The following MCTP1 variants were observed in gnomAD, a reference collection of about 807,000 sequenced individuals.
MCTP1 encodes multiple C2 and transmembrane domain containing 1, also known as multiple C2 and transmembrane domain-containing protein 1.
In MCTP1, 69 loss-of-function variants were observed where a neutral mutation model predicts 120.6. That is an observed-to-expected ratio of 0.57 (90% CI 0.47 to 0.70). The LOEUF is 0.70. Among genes scored for constraint, MCTP1 ranks in the 30% least tolerant of loss-of-function variants. The probability of loss-of-function intolerance (pLI) is 0.00; values close to 1 mark genes in which losing one functional copy is unlikely to be tolerated. For synonymous variants in MCTP1, 529 were observed against 493.1 expected, an observed-to-expected ratio of 1.07 and a Z score of -0.96; for missense variants, 1,203 against 1,248.8, an observed-to-expected ratio of 0.96 and a Z score of 0.55.
intron 1 of MCTP1, among the ~76,000 whole-genome samples, chr5:95,281,601 T>A (rs991962057): frequency 6.6e-6 from 1 of 152,238 alleles, no homozygotes; most frequent in African/African-American, 2.4e-5. Context: ...TTTACCATTC[T>A]GTCTGCCTAT....
intron 1 of MCTP1, among the ~76,000 whole-genome samples, chr5:95,082,831 C>A (rs1755096509): frequency 6.6e-6 from 1 of 152,018 alleles, no homozygotes; most frequent in African/African-American, 2.4e-5. Flanking sequence ...ATAGCATAGG[C>A]CTAGGGTTCA....
chr5:95,147,093 A>T (rs564917100), intron 1 of MCTP1, among the ~76,000 whole-genome samples: 81 of 151,612 alleles, frequency 5.3e-4, no homozygotes, highest in East Asian at 9.7e-4. Context: ...TTATTTATTT[A>T]TTTATTTTTT....
At chr5:94,826,512 C>T in intron 17 of MCTP1, 2 of 705,510 alleles carry the variant, frequency 2.8e-6, no homozygotes, top group East Asian at 2.8e-5. Context: ...TGTACATCTG[C>T]CTATATTCCT....
chr5:94,841,100 T>C (rs1362661708), intron 17 of MCTP1, among the ~76,000 whole-genome samples: 1 of 152,192 alleles, frequency 6.6e-6, no homozygotes, highest in Non-Finnish European at 1.5e-5. Flanking sequence ...GCTTGGCATG[T>C]GACCGAGGCT....
At chr5:95,131,975 G>A (rs144240374) in intron 1 of MCTP1, among the ~76,000 whole-genome samples, 1 of 152,270 alleles carries the variant, frequency 6.6e-6, no homozygotes, top group East Asian at 1.9e-4. Context: ...CCCAGTTTAT[G>A]AGCCACACAA....
At chr5:95,276,654 CA>C (rs1161949035) in intron 1 of MCTP1, among the ~76,000 whole-genome samples, 4 of 150,292 alleles carry the variant, frequency 2.7e-5, no homozygotes, top group Non-Finnish European at 4.4e-5. Flanking sequence ...GTGCTAGGTA[CA>C]AAAAACAGGT....
intron 11 of MCTP1, among the ~76,000 whole-genome samples, chr5:94,890,088 T>G (rs974473447): frequency 1.3e-5 from 2 of 152,164 alleles, no homozygotes; most frequent in African/African-American, 4.8e-5. Flanking sequence ...AACTTCCAAA[T>G]CCTGGGCTCA....
At chr5:95,115,827 T>C (rs1404568454) in intron 1 of MCTP1, among the ~76,000 whole-genome samples, 2 of 152,112 alleles carry the variant, frequency 1.3e-5, no homozygotes, top group African/African-American at 4.8e-5. Flanking sequence ...ACTACCTCAA[T>C]GTATTTAATA....
At chr5:94,939,711 C>A (rs1366020002) in intron 5 of MCTP1, among the ~76,000 whole-genome samples, 1 of 151,924 alleles carries the variant, frequency 6.6e-6, no homozygotes, top group Non-Finnish European at 1.5e-5. Flanking sequence ...GTACACCTGA[C>A]AATACAGTCA....
chr5:94,713,679 C>T lies in MCTP1; in HGVS notation c.2720+1098G>A, dbSNP rs190363171. Among the ~76,000 whole-genome samples the T allele has an allele frequency of 4.4e-4, 67 of 152,196 alleles. 1 individual carries two copies. Among genetic ancestry groups the T allele is most frequent in the Non-Finnish European group, 3.2e-4 (22 of 68,000 alleles). ...GATACGGGAATAGTCTTCTGAAATCCAAGACTGAATGTTTCCTAAAGGCAC... is the reference window on the plus strand; with the variant it reads ...GATACGGGAATAGTCTTCTGAAATCTAAGACTGAATGTTTCCTAAAGGCAC... On this transcript the variant is annotated intron_variant, in intron 20 of 22. Coordinates refer to ENST00000515393, the MANE Select transcript of MCTP1 (RefSeq NM_024717.7).
chr5:94,827,182 A>G (rs1787332153), intron 17 of MCTP1, among the ~76,000 whole-genome samples: 1 of 152,168 alleles, frequency 6.6e-6, no homozygotes, highest in Admixed American at 6.5e-5. Context: ...AAAATCCCTC[A>G]GCATTTGCTT....
At chr5:95,261,050 G>C (rs1203044344) in intron 1 of MCTP1, among the ~76,000 whole-genome samples, 1 of 152,186 alleles carries the variant, frequency 6.6e-6, no homozygotes, top group Non-Finnish European at 1.5e-5. Context: ...AGTCCCATTA[G>C]ACTGTGAAAC....
intron 2 of MCTP1, among the ~76,000 whole-genome samples, chr5:94,985,169 G>A (rs372411154): frequency 1.3e-5 from 2 of 152,242 alleles, no homozygotes; most frequent in South Asian, 4.1e-4. Flanking sequence ...CAGAAATGGT[G>A]AGAACCTGTG....
intron 2 of MCTP1, among the ~76,000 whole-genome samples, chr5:95,001,783 C>A (rs1490931856): frequency 1.3e-5 from 2 of 152,136 alleles, no homozygotes; most frequent in African/African-American, 4.8e-5. Context: ...AAGAAAAAAT[C>A]ATTTTTGGGG....
chr5:94,943,866 G>C (rs1369011481), intron 3 of MCTP1, among the ~76,000 whole-genome samples: 2 of 151,980 alleles, frequency 1.3e-5, no homozygotes, highest in Non-Finnish European at 2.9e-5. Context: ...TTGAACACTG[G>C]AGTAATTGAG....
chr5:94,764,485 G>T (rs1433401803), intron 19 of MCTP1, among the ~76,000 whole-genome samples: 1 of 151,974 alleles, frequency 6.6e-6, no homozygotes, highest in Non-Finnish European at 1.5e-5. Context: ...ACCACCAAAA[G>T]AAACTCATTT....
At chr5:94,780,769 G>A in intron 18 of MCTP1, among the ~76,000 whole-genome samples, 2 of 152,152 alleles carry the variant, frequency 1.3e-5, no homozygotes, top group African/African-American at 2.4e-5. Context: ...GCTAGGTAAT[G>A]TGGGAATACA....
At chr5:95,044,143 A>G (rs954228305) in intron 1 of MCTP1, among the ~76,000 whole-genome samples, 23 of 152,120 alleles carry the variant, frequency 1.5e-4, no homozygotes, top group African/African-American at 5.6e-4. Context: ...GTCCTTGTTG[A>G]GGGTGTATGT....
chr5:95,265,045 C>A (rs187208527), intron 1 of MCTP1, among the ~76,000 whole-genome samples: 1 of 152,098 alleles, frequency 6.6e-6, no homozygotes, highest in Admixed American at 6.6e-5. Flanking sequence ...ATGAACAGCC[C>A]GTCCCTGGTG....
Sources: allele counts gnomAD v4.1 joint callset (sites outside exome capture counted in the v4.1 genomes callset), GRCh38; gene constraint gnomAD v4.1.1; transcripts MANE v1.5; gene names NCBI Gene and HGNC (gene_info 2026-07-23, HGNC 2026-07-21).